Variants in FMNL1 observed in about 807,000 individuals in gnomAD.
FMNL1 encodes formin like 1.
Under a neutral mutation model 121.3 loss-of-function variants are expected in FMNL1, and 43 were observed. The ratio of observed to expected loss-of-function variants is 0.35; its 90% CI spans 0.28 to 0.46. The LOEUF (loss-of-function observed/expected upper bound fraction) is 0.46. Ranked by LOEUF, FMNL1 falls within the 20% of genes least tolerant of loss-of-function variation. The pLI is 1.00. For missense variants in FMNL1, 1,191 were observed against 1,482.4 expected, an observed-to-expected ratio of 0.80 and a Z score of 3.23; for synonymous variants, 613 against 613.5, an observed-to-expected ratio of 1.00 and a Z score of 0.01.
chr17:45,235,152 C>A (rs1349431935), intron 6 of FMNL1, among the ~76,000 whole-genome samples: 1 of 152,208 alleles, frequency 6.6e-6, no homozygotes, highest in Admixed American at 6.5e-5. Context: ...TTTTTTAACA[C>A]TTAGTATGTA....
Position 45,246,464 on chromosome 17 carries a change from TC to T in FMNL1, c.3212-39del, listed in dbSNP as rs747402564. 56 of 1,613,768 alleles carry T rather than the reference TC, an allele frequency of 3.5e-5. No individual in the cohort carries two copies. In the East Asian group the frequency reaches 1.2e-3, roughly 35 times the overall value. On this transcript the variant is annotated intron_variant, in intron 25 of 26. Coordinates refer to ENST00000331495, the MANE Select transcript of FMNL1 (RefSeq NM_005892.4). ...ACCTTTTCTGTTTTTCTTTCCTTTT[TC>T]CTTTCTCTACTCCCCTTCACCTGCC...
rs780288871 is a variant in FMNL1, at chr17:45,241,231, G to A, written c.1332+1G>A. ...GCGCAAGGAGTTGGAGACCCTGCGGGTGAGGCTGGGGCGGGTGGTAGGCCA... is the reference window on the plus strand; with the variant it reads ...GCGCAAGGAGTTGGAGACCCTGCGGATGAGGCTGGGGCGGGTGGTAGGCCA... On this transcript the variant is annotated splice_donor_variant, in intron 13 of 26. Coordinates refer to ENST00000331495, the MANE Select transcript of FMNL1 (RefSeq NM_005892.4). LOFTEE classifies it high-confidence loss of function. The surrounding 1 kb of genome is among the most constrained non-coding windows in gnomAD (Gnocchi z 7.0). The A allele has an allele frequency of 6.2e-7, 1 of 1,614,080 alleles. No homozygotes were observed. The highest frequency in any genetic ancestry group is 8.5e-7 in the Non-Finnish European group (1 of 1,179,994).
chr17:45,231,642 T>A lies in FMNL1; in HGVS notation c.214-725T>A, dbSNP rs1264991542. On this transcript the variant is annotated intron_variant, in intron 2 of 26. Transcript: ENST00000331495. The surrounding 1 kb of genome is among the most constrained non-coding windows in gnomAD (Gnocchi z 4.7). ...CCCCTCTGGGGAGGGGTCTTTGCCG[T>A]GGTCCCTGCCTCTTTGTGTGAGTGG... Among the ~76,000 whole-genome samples, 1 of 152,006 alleles carries A rather than the reference T, an allele frequency of 6.6e-6. No individual in the cohort carries two copies. The highest frequency in any genetic ancestry group is 6.5e-5 in the Admixed American group (1 of 15,274).
chr17:45,238,854 G>T, intron 10 of FMNL1, 101 bp from the exon 11 acceptor site: 1 of 1,137,506 alleles, frequency 8.8e-7, no homozygotes, highest in South Asian at 1.3e-5. Flanking sequence ...AGTGGAGTGA[G>T]AACTGTGGAG....
chr17:45,242,465 G>A lies in FMNL1; in HGVS notation c.2010G>A (p.Gln670=), dbSNP rs2043728687. Residue 670 remains glutamine (Q), a splice_region_variant and synonymous_variant, in exon 16 of 27, where the codon CAG becomes CAA. Transcript: ENST00000331495. ...FTELNDEKVL[Q]ELDMSDFEEQ... is the part of the protein sequence containing the mutation. ...AGCTCAATGATGAGAAGGTGCTGCA[G>A]GTGAGTGGCCCTGCCTGGCTCCCCA... 4.3e-6 allele frequency: 7 copies of A among 1,613,442 alleles called. No individual in the cohort carries two copies. The highest frequency in any genetic ancestry group is 5.9e-6 in the Non-Finnish European group (7 of 1,179,438).
rs760030224 is a variant in FMNL1 at position 45,238,627 on chromosome 17, A to T, written c.958A>T (p.Ile320Phe). 3.1e-6 allele frequency: 5 copies of T among 1,614,068 alleles called. No homozygotes were observed. The African/African-American group carries it at 5.3e-5, about 17-fold the overall frequency. Reference protein sequence around the residue: ...MEYFRNEDSNIDFMVACMQFI... With the variant: ...MEYFRNEDSNFDFMVACMQFI... The stretch of plus-strand genomic sequence containing the variant: ...ATATTTCCGGAATGAGGACAGCAAC[A>T]TCGACTTCATGGTGAGCTCAGGAGC... The change falls in exon 10 of 27, where the codon ATC becomes TTC. Residue 320 changes from isoleucine to phenylalanine, a missense_variant. Physicochemically the swap from Ile to Phe is conservative, Grantham distance 21 (BLOSUM62 0). Around this residue, in one of 4 missense-constraint regions of FMNL1, gnomAD observed 253 missense variants for 417.5 expected, o/e 0.61. Coordinates refer to ENST00000331495, the MANE Select transcript of FMNL1 (RefSeq NM_005892.4).
Position 45,241,586 on chromosome 17 carries a change from G to C in FMNL1, c.1537G>C (p.Gly513Arg). The C allele has an allele frequency of 6.4e-7, 1 of 1,557,376 alleles. No individual in the cohort carries two copies. The highest frequency in any genetic ancestry group is 8.7e-7 in the Non-Finnish European group (1 of 1,149,724). ...CCCCGTCGCTGTGGCAACTCCGAGC[G>C]GCGGTGATGCTCCGACTCCGGGGGT... is the stretch of plus-strand genomic sequence containing the variant. ...ILPVAVATPS[G>R]GDAPTPGVPT... Residue 513 changes from glycine (G) to arginine (R), a missense_variant, in exon 14 of 27, where the codon GGC becomes CGC. Physicochemically the swap from Gly to Arg is moderately radical, Grantham distance 125. Coordinates refer to ENST00000331495, the MANE Select transcript of FMNL1 (RefSeq NM_005892.4). The surrounding 1 kb of genome is among the most constrained non-coding windows in gnomAD (Gnocchi z 7.0).
In FMNL1 at chr17:45,238,615, G is replaced by A; in HGVS notation, c.946G>A (p.Glu316Lys). 1 of 1,614,242 alleles carries A rather than the reference G, an allele frequency of 6.2e-7. No individual in the cohort carries two copies. The highest frequency in any genetic ancestry group is 8.5e-7 in the Non-Finnish European group (1 of 1,180,040). The change falls in exon 10 of 27, where the codon GAG (glutamate) becomes AAG (lysine). Residue 316 changes from glutamate (E) to lysine (K), a missense_variant. Coordinates refer to ENST00000331495, the MANE Select transcript of FMNL1 (RefSeq NM_005892.4). ...AAAGCTGATGGAATATTTCCGGAATGAGGACAGCAACATCGACTTCATGGT... is the reference window on the plus strand; with the variant it reads ...AAAGCTGATGGAATATTTCCGGAATAAGGACAGCAACATCGACTTCATGGT... The part of the protein sequence containing the change: ...FEKLMEYFRN[E>K]DSNIDFMVAC...
In FMNL1 at chr17:45,244,038, C is replaced by G. The variant is rs373504933; in HGVS notation, c.2448+13C>G. The G allele has an allele frequency of 3.1e-6, 5 of 1,600,298 alleles. No homozygotes were observed. The East Asian group carries it at 9.0e-5, about 29-fold the overall frequency. On this transcript the variant is annotated intron_variant, in intron 18 of 26. Coordinates refer to ENST00000331495, the MANE Select transcript of FMNL1 (RefSeq NM_005892.4). Reference sequence around the variant, plus strand: ...GCTGCTCATGCCGGTGTGGGCGGAGCGGGCAGGGCGGTGTGACTTGGGAGG... The same window carrying G: ...GCTGCTCATGCCGGTGTGGGCGGAGGGGGCAGGGCGGTGTGACTTGGGAGG...
At position 45,241,529 on chromosome 17, in the gene FMNL1, G is replaced by C; in HGVS notation, c.1480G>C (p.Gly494Arg). The change falls in exon 14 of 27, where the codon GGG becomes CGG. Residue 494 changes from glycine (G) to arginine (R), a missense_variant. Physicochemically the swap from Gly to Arg is moderately radical, Grantham distance 125 (BLOSUM62 -2). This residue lies in a region of FMNL1 where 519 missense variants were observed against 492.8 expected (regional missense o/e 1.05). Transcript: ENST00000331495. This position sits in a 1 kb window ranked among gnomAD's most constrained non-coding sequence, Gnocchi z 7.0. ...EEKGLIRILR[G>R]PGDAVSIEIL... ...GAAGGGGTTAATCCGTATTCTGCGG[G>C]GGCCGGGGGATGCTGTCTCCATCGA... 3.8e-6 allele frequency: 6 copies of C among 1,578,542 alleles called. No individual in the cohort carries two copies. The highest frequency in any genetic ancestry group is 1.2e-5 in the South Asian group (1 of 86,780).
In FMNL1 at chr17:45,237,829, T is replaced by C. The variant is rs994235430; in HGVS notation, c.894+190T>C. ...GGATGGGGAAGTTCTGAATGGAAGG[T>C]ACAGGGTCAGGTAAGGGCACCACCT... On this transcript the variant is annotated intron_variant, in intron 9 of 26. Transcript: ENST00000331495. This position sits in a 1 kb window ranked among gnomAD's most constrained non-coding sequence, Gnocchi z 4.4. Among the ~76,000 whole-genome samples the C allele has an allele frequency of 6.6e-6, 1 of 152,100 alleles. No individual in the cohort carries two copies. The highest frequency in any genetic ancestry group is 1.5e-5 in the Non-Finnish European group (1 of 68,006).
At position 45,246,526 on chromosome 17, in the gene FMNL1, CG is replaced by C; in HGVS notation, c.3235del (p.Ala1079ProfsTer60). On this transcript the variant is annotated frameshift_variant, in exon 26 of 27. Transcript: ENST00000331495. LOFTEE classifies it high-confidence loss of function. ...IITVIKTVPF[T>X]ARTGKRTSRL... The stretch of plus-strand genomic sequence containing the variant: ...TCAGTGATCAAGACGGTGCCCTTCA[CG>C]GCCCGCACCGGCAAGCGGACATCCC... 1 of 1,614,090 alleles carries C rather than the reference CG, an allele frequency of 6.2e-7. No homozygotes were observed. The highest frequency in any genetic ancestry group is 2.2e-5 in the East Asian group (1 of 44,882).
rs2043495682 is a variant in FMNL1, at chr17:45,233,945, A to G, written c.486-127A>G. ...CACCACTATGTTCAGCACAGTGCCA[A>G]GAACACAGCCTCCTCCTCCTGCTCC... On this transcript the variant is annotated intron_variant, in intron 5 of 26. Transcript: ENST00000331495. The surrounding 1 kb of genome is among the most constrained non-coding windows in gnomAD (Gnocchi z 4.1). The G allele has an allele frequency of 8.4e-6, 12 of 1,423,344 alleles. No individual in the cohort carries two copies. Among genetic ancestry groups the G allele is most frequent in the Non-Finnish European group, 1.1e-5 (12 of 1,060,404 alleles). 88.2% of individuals were successfully genotyped at this position (1,423,344 alleles called of 1,614,324 possible). A position where few individuals can be genotyped will look rare whatever the true frequency, so the allele number is the denominator to read the frequency against.
chr17:45,232,474 C>G lies in FMNL1; in HGVS notation c.321C>G (p.Asn107Lys), dbSNP rs749568309. 4.3e-6 allele frequency: 7 copies of G among 1,613,858 alleles called. No homozygotes were observed. The highest frequency in any genetic ancestry group is 5.9e-6 in the Non-Finnish European group (7 of 1,179,880). ...SRKVAADWMS[N>K]LGFKRRVQES... ...AGGTAGCAGCTGATTGGATGTCCAA[C>G]CTGGGGGTACATGTCTCCCCTCTTT... Residue 107 changes from asparagine (N) to lysine (K), a missense_variant, in exon 3 of 27, where the codon AAC becomes AAG. By Grantham distance (94) the Asn-to-Lys change is moderately conservative (BLOSUM62 0). Around this residue, in one of 4 missense-constraint regions of FMNL1, gnomAD observed 253 missense variants for 417.5 expected, o/e 0.61. Transcript: ENST00000331495.
chr17:45,246,527 G>T lies in FMNL1; in HGVS notation c.3234G>T (p.Thr1078=), dbSNP rs1467002280. The change falls in exon 26 of 27, where the codon ACG becomes ACT. Residue 1078 remains threonine (T), a synonymous_variant. Coordinates refer to ENST00000331495, the MANE Select transcript of FMNL1 (RefSeq NM_005892.4). ...IITVIKTVPF[T]ARTGKRTSRL... ...CAGTGATCAAGACGGTGCCCTTCAC[G>T]GCCCGCACCGGCAAGCGGACATCCC... is the stretch of plus-strand genomic sequence containing the variant. 1.9e-6 allele frequency: 3 copies of T among 1,613,944 alleles called. No individual in the cohort carries two copies. Among genetic ancestry groups the T allele is most frequent in the African/African-American group, 2.7e-5 (2 of 74,980 alleles).
chr17:45,230,846 G>A (rs978347007), intron 2 of FMNL1, among the ~76,000 whole-genome samples, 159 bp downstream of exon 2: 8 of 152,116 alleles, frequency 5.3e-5, no homozygotes, highest in African/African-American at 1.4e-4. Flanking sequence ...GCTGGGGTCT[G>A]CAGGACTCCC....
At chr17:45,236,311 C>T in intron 7 of FMNL1, 67 bp downstream of exon 7, 1 of 1,345,036 alleles carries the variant, frequency 7.4e-7, no homozygotes, top group East Asian at 2.4e-5. Flanking sequence ...GCTACACAAG[C>T]TGCCGAGGCT....
chr17:45,229,133 GT>G (rs1395232799), intron 1 of FMNL1, among the ~76,000 whole-genome samples: 1 of 152,146 alleles, frequency 6.6e-6, no homozygotes, highest in African/African-American at 2.4e-5. Context: ...GACAGCGGTG[GT>G]TTCCTCAATC....
intron 10 of FMNL1, 153 bp downstream of exon 10, chr17:45,238,791 C>T: frequency 8.8e-7 from 1 of 1,131,494 alleles, no homozygotes; most frequent in Non-Finnish European, 1.3e-6. Flanking sequence ...TGGCAGGGGG[C>T]TGGATTGAGG....
Sources: allele counts gnomAD v4.1 joint callset (sites outside exome capture counted in the v4.1 genomes callset), GRCh38; gene constraint gnomAD v4.1.1; regional missense constraint gnomAD v4.1.1; non-coding constraint Gnocchi (gnomAD v3.1); transcripts MANE v1.5; gene names NCBI Gene and HGNC (gene_info 2026-07-23, HGNC 2026-07-21).